The following KALRN variants were observed in gnomAD, a reference collection of about 807,000 sequenced individuals.
KALRN encodes the protein kalirin RhoGEF kinase, also known as kalirin.
KALRN carries 70 observed loss-of-function variants against 353.7 expected under a neutral mutation model. The ratio of observed to expected loss-of-function variants is 0.20; its 90% CI spans 0.16 to 0.24. The LOEUF is 0.24. KALRN is among the 10% of genes least tolerant of loss of function. KALRN has a pLI of 1.00. For missense variants in KALRN, 2,791 were observed against 3,756.7 expected (o/e 0.74, Z 6.72); for synonymous variants, 1,391 against 1,434.8 (o/e 0.97, Z 0.69).
rs162740 is a variant in KALRN, at chr3:124,722,390, A to G, written c.*2920A>G. 0.27 allele frequency: 40,631 copies of G among 151,934 alleles called. 5,597 individuals carry two copies. The highest frequency in any genetic ancestry group is 0.39 in the Middle Eastern group (115 of 294). The allele number at this position is 151,934 out of a possible 1,614,324, so 9.4% of individuals were successfully genotyped here. On this transcript the variant is annotated 3_prime_UTR_variant, in exon 60 of 60. Transcript: ENST00000682506. ...AAATGAAAAGTAGGATGATTTTGTT[A>G]ACTGGAGCCAAGGTACAATCATTAG...
intron 3 of KALRN, among the ~76,000 whole-genome samples, chr3:124,248,153 G>C (rs1356699492): frequency 6.6e-6 from 1 of 152,332 alleles, no homozygotes; most frequent in African/African-American, 2.4e-5. Flanking sequence ...GGTTGGAATG[G>C]TTGGTTTTGT....
At chr3:124,666,755 A>G (rs1578806127) in intron 46 of KALRN, 121 bp downstream of exon 46, 1 of 838,056 alleles carries the variant, frequency 1.2e-6, no homozygotes, top group East Asian at 2.6e-5. Context: ...CAGCCGAATA[A>G]CATTCGGTCA....
chr3:124,336,562 G>A (rs1054610041), intron 9 of KALRN, among the ~76,000 whole-genome samples: 1 of 152,124 alleles, frequency 6.6e-6, no homozygotes, highest in African/African-American at 2.4e-5. Flanking sequence ...AGGAGGGTGT[G>A]TGAAAGGCCT....
At position 124,227,663 on chromosome 3, in the gene KALRN, G is replaced by GTTTTTTTT. The variant is rs747087120; in HGVS notation, c.74-292_74-285dup. The stretch of plus-strand genomic sequence containing the variant: ...CAAGTTGCTCAATAGCAACAGGGCT[G>GTTTTTTTT]TTTTTTTTTTTTTTTTTTTTTTTTT... On this transcript the variant is annotated intron_variant, in intron 1 of 59. Transcript: ENST00000682506. 1.2e-3 allele frequency among the ~76,000 whole-genome samples: 80 copies of GTTTTTTTT among 69,248 alleles called. 12 individuals are homozygous for GTTTTTTTT. The highest frequency in any genetic ancestry group is 1.7e-3 in the Non-Finnish European group (57 of 34,494). The allele number at this position is 69,248 out of a possible 152,430, so 45.4% of individuals were successfully genotyped here.
At position 124,033,726 on chromosome 3, in the gene KALRN, C is replaced by G. The variant is rs911854068; in HGVS notation, c.-15C>G. 3.3e-5 allele frequency among the ~76,000 whole-genome samples: 5 copies of G among 152,164 alleles called. No individual in the cohort carries two copies. Among genetic ancestry groups the G allele is most frequent in the African/African-American group, 1.2e-4 (5 of 41,540 alleles). On this transcript the variant is annotated 5_prime_UTR_variant, in exon 1 of 60. Transcript: ENST00000682506. The surrounding 1 kb of genome is among the most constrained non-coding windows in gnomAD (Gnocchi z 6.2). ...TCTTCGGCTCCCGGCTGCCCGCGGA[C>G]GCCCTCCCACAGTCATGAACCCCCC...
chr3:124,181,352 C>A (rs1009780639), intron 1 of KALRN, among the ~76,000 whole-genome samples: 1 of 152,048 alleles, frequency 6.6e-6, no homozygotes. Context: ...AAGGAGAGAG[C>A]AACATTATTT....
At chr3:124,344,146 G>A (rs1293825963) in intron 9 of KALRN, among the ~76,000 whole-genome samples, 1 of 152,174 alleles carries the variant, frequency 6.6e-6, no homozygotes, top group Non-Finnish European at 1.5e-5. Flanking sequence ...AAGATTATAA[G>A]GAGTACCTTG....
intron 44 of KALRN, 38 bp from the exon 45 acceptor site, chr3:124,661,813 T>C (rs1219721932): frequency 1.3e-6 from 2 of 1,532,868 alleles, no homozygotes; most frequent in Admixed American, 1.7e-5. Flanking sequence ...GCCTGAGTGC[T>C]GTTCCCCCTC....
chr3:124,674,882 C>T, intron 49 of KALRN: 1 of 351,844 alleles, frequency 2.8e-6, no homozygotes, highest in Non-Finnish European at 5.1e-6. Flanking sequence ...CCTTTCTCCC[C>T]CACATTCATT....
rs141413590 is a variant in KALRN, at chr3:124,305,199, T to C, written c.1092+6286T>C. ...ACTCTAAATCTTTCCCCAAAGGAACTGATTTCATGTGCAACAGAGGATGGA... is the reference window on the plus strand; with the variant it reads ...ACTCTAAATCTTTCCCCAAAGGAACCGATTTCATGTGCAACAGAGGATGGA... On this transcript the variant is annotated intron_variant, in intron 6 of 59. Transcript: ENST00000682506. Among the ~76,000 whole-genome samples the C allele has an allele frequency of 1.6e-3, 240 of 152,332 alleles. 2 individuals are homozygous for C. Among genetic ancestry groups the C allele is most frequent in the South Asian group, 6.4e-3 (31 of 4,832 alleles).
intron 5 of KALRN, among the ~76,000 whole-genome samples, chr3:124,276,905 A>C (rs577659956): frequency 1.8e-4 from 28 of 152,264 alleles, no homozygotes; most frequent in Admixed American, 7.8e-4. Context: ...TCTGCTTTGA[A>C]GCTGGTGCTC....
At chr3:124,249,795 A>G (rs2070862541) in intron 3 of KALRN, among the ~76,000 whole-genome samples, 1 of 152,160 alleles carries the variant, frequency 6.6e-6, no homozygotes, top group South Asian at 2.1e-4. Flanking sequence ...CCATTTCAAG[A>G]TCCAAACATG....
At chr3:124,446,917 C>A (rs201213397) in intron 21 of KALRN, 32 bp downstream of exon 21, 13 of 1,605,138 alleles carry the variant, frequency 8.1e-6, no homozygotes, top group Non-Finnish European at 1.1e-5. Flanking sequence ...CCCCCAGATC[C>A]ACCCAGAACT....
chr3:124,330,257 C>CAT (rs2080392325), intron 8 of KALRN, among the ~76,000 whole-genome samples: 3 of 136,684 alleles, frequency 2.2e-5, no homozygotes, highest in Non-Finnish European at 4.4e-5. Context: ...CACACACACA[C>CAT]ACACACACAC....
chr3:124,547,548 C>T lies in KALRN; in HGVS notation c.4936-15295C>T, dbSNP rs564817718. ...CTTGAACTCTTGGCCTGAAGCAATC[C>T]TCCTGCCTGGGCCTCCCAAAGTGCT... On this transcript the variant is annotated intron_variant, in intron 33 of 59. Coordinates refer to ENST00000682506, the MANE Select transcript of KALRN (RefSeq NM_001388419.1). 2.0e-5 allele frequency among the ~76,000 whole-genome samples: 3 copies of T among 152,206 alleles called. No homozygotes were observed. The South Asian group carries it at 6.2e-4, about 32-fold the overall frequency.
rs949934663 is a variant in KALRN at position 124,462,600 on chromosome 3, G to T, written c.3998G>T (p.Gly1333Val). 1.2e-6 allele frequency: 2 copies of T among 1,611,080 alleles called. No homozygotes were observed. The highest frequency in any genetic ancestry group is 8.5e-7 in the Non-Finnish European group (1 of 1,177,312). The stretch of plus-strand genomic sequence containing the variant: ...CTCAATAAAGAGCATATCATCTTTG[G>T]CAACATCCAAGAGATCTACGATTTC... Reference protein sequence around the residue: ...GILNKEHIIFGNIQEIYDFHN... With the variant: ...GILNKEHIIFVNIQEIYDFHN... The change falls in exon 25 of 60, where the codon GGC becomes GTC. Residue 1333 changes from glycine (G) to valine (V), a missense_variant. Coordinates refer to ENST00000682506, the MANE Select transcript of KALRN (RefSeq NM_001388419.1).
chr3:124,496,008 TATATACACAC>T (rs200305688), intron 32 of KALRN, among the ~76,000 whole-genome samples: 1,058 of 60,542 alleles, frequency 0.017, 134 homozygotes, highest in African/African-American at 0.057. Flanking sequence ...TATATATATA[TATATACACAC>T]ACATATATAC....
At position 124,694,379 on chromosome 3, in the gene KALRN, G is replaced by A. The variant is rs1435006871; in HGVS notation, c.7453G>A (p.Gly2485Arg). The A allele has an allele frequency of 6.2e-7, 1 of 1,614,188 alleles. No homozygotes were observed. Among genetic ancestry groups the A allele is most frequent in the Non-Finnish European group, 8.5e-7 (1 of 1,180,020 alleles). The change falls in exon 53 of 60, where the codon GGG becomes AGG. Residue 2485 changes from glycine (G) to arginine (R), a missense_variant. Physicochemically the swap from Gly to Arg is moderately radical, Grantham distance 125 (BLOSUM62 -2). Coordinates refer to ENST00000682506, the MANE Select transcript of KALRN (RefSeq NM_001388419.1). ...VPLVDVTCLL[G>R]DTVILQCKVC... ...CTTGGTGGATGTGACCTGCTTGCTTGGGGACACAGTGATACTGCAGTGCAA... is the reference window on the plus strand; with the variant it reads ...CTTGGTGGATGTGACCTGCTTGCTTAGGGACACAGTGATACTGCAGTGCAA...
intron 5 of KALRN, among the ~76,000 whole-genome samples, chr3:124,280,870 G>A (rs998615413): frequency 6.6e-6 from 1 of 152,112 alleles, no homozygotes; most frequent in African/African-American, 2.4e-5. Context: ...CCCAACTCAA[G>A]GGTATCTACT....
Sources: allele counts gnomAD v4.1 joint callset (sites outside exome capture counted in the v4.1 genomes callset), GRCh38; gene constraint gnomAD v4.1.1; non-coding constraint Gnocchi (gnomAD v3.1); transcripts MANE v1.5; gene names NCBI Gene and HGNC (gene_info 2026-07-23, HGNC 2026-07-21).